The following NBEA variants were observed in gnomAD, a reference collection of about 807,000 sequenced individuals.
NBEA encodes lysosomal-trafficking regulator 2.
A neutral mutation model predicts 343.4 loss-of-function variants in NBEA; 44 were observed. That is an observed-to-expected ratio of 0.13 (90% CI 0.10 to 0.16). The LOEUF is 0.16. Among genes scored for constraint, NBEA ranks in the 10% least tolerant of loss-of-function variants. NBEA has a pLI of 1.00. For synonymous variants in NBEA, 1,175 were observed against 1,238.7 expected, an observed-to-expected ratio of 0.95 and a Z score of 1.08; for missense variants, 2,555 against 3,631.3, an observed-to-expected ratio of 0.70 and a Z score of 7.62.
chr13:35,070,616 C>A, intron 9 of NBEA, 103 bp from the exon 10 acceptor site: 1 of 1,055,506 alleles, frequency 9.5e-7, no homozygotes. Context: ...TTAAAAATGT[C>A]CAAGTATGTT....
At position 35,232,517 on chromosome 13, in the gene NBEA, T is replaced by C. The variant is rs2075031638; in HGVS notation, c.5674T>C (p.Leu1892=). The change falls in exon 34 of 59, where the codon TTA becomes CTA. Residue 1892 remains leucine (L), a synonymous_variant. Coordinates refer to ENST00000379939, the MANE Select transcript of NBEA (RefSeq NM_001385012.1). ...CATCACTGCAAAACTTGAAAGAGCG[T>C]TAGAAAAAGTTGCTCCTCTTCTTCG... ...MSITAKLERA[L]EKVAPLLREI... 7.1e-6 allele frequency: 11 copies of C among 1,547,998 alleles called. No individual in the cohort carries two copies. In the East Asian group the frequency reaches 2.7e-4, roughly 38 times the overall value.
chr13:35,009,909 C>T (rs2061428487), intron 1 of NBEA, among the ~76,000 whole-genome samples: 1 of 152,062 alleles, frequency 6.6e-6, no homozygotes, highest in African/African-American at 2.4e-5. Context: ...AATGTGGGGG[C>T]ATGAGAAAGT....
chr13:35,243,521 C>T (rs1472345322), intron 34 of NBEA, among the ~76,000 whole-genome samples: 5 of 151,798 alleles, frequency 3.3e-5, no homozygotes, highest in Admixed American at 6.6e-5. Context: ...TTAAGAGACA[C>T]TCACTGTAAA....
At chr13:35,448,667 A>G (rs1360126974) in intron 39 of NBEA, among the ~76,000 whole-genome samples, 2 of 152,230 alleles carry the variant, frequency 1.3e-5, no homozygotes, top group Non-Finnish European at 2.9e-5. Context: ...AGCAGTTACA[A>G]TATCTATAAA....
intron 40 of NBEA, among the ~76,000 whole-genome samples, chr13:35,463,041 TGA>T (rs2046990937): frequency 6.6e-6 from 1 of 152,114 alleles, no homozygotes; most frequent in Admixed American, 6.5e-5. Flanking sequence ...TGGAAACCAG[TGA>T]GATCACCTAA....
At chr13:35,507,078 CT>C (rs1308447983) in intron 41 of NBEA, among the ~76,000 whole-genome samples, 1 of 152,164 alleles carries the variant, frequency 6.6e-6, no homozygotes, top group Non-Finnish European at 1.5e-5. Flanking sequence ...TCTGAAAATG[CT>C]TTTGTTAAGG....
At position 35,054,558 on chromosome 13, in the gene NBEA, C is replaced by T. The variant is rs1465332656; in HGVS notation, c.973-1452C>T. ...AGTTAAATGTCTTGACCTGACCTTG[C>T]TTTTATAGAAGCACACTGTTGTTTT... On this transcript the variant is annotated intron_variant, in intron 6 of 58. Coordinates refer to ENST00000379939, the MANE Select transcript of NBEA (RefSeq NM_001385012.1). Among the ~76,000 whole-genome samples the T allele has an allele frequency of 2.0e-5, 3 of 149,090 alleles. No individual in the cohort carries two copies. In the South Asian group the frequency reaches 6.4e-4, roughly 32 times the overall value.
At chr13:35,187,795 A>G (rs1016229787) in intron 30 of NBEA, among the ~76,000 whole-genome samples, 1 of 152,176 alleles carries the variant, frequency 6.6e-6, no homozygotes, top group African/African-American at 2.4e-5. Flanking sequence ...TAAGATGACT[A>G]TTGACTACGT....
At chr13:35,263,062 A>G (rs2033346151) in intron 34 of NBEA, among the ~76,000 whole-genome samples, 1 of 152,196 alleles carries the variant, frequency 6.6e-6, no homozygotes, top group Non-Finnish European at 1.5e-5. Context: ...ACACATCCTA[A>G]TTTCAAAACT....
At chr13:35,241,578 A>G (rs1165458317) in intron 34 of NBEA, among the ~76,000 whole-genome samples, 1 of 151,882 alleles carries the variant, frequency 6.6e-6, no homozygotes, top group Non-Finnish European at 1.5e-5. Context: ...TTGTTTTATC[A>G]AAACAACATT....
At chr13:35,230,802 G>A (rs941441707) in intron 33 of NBEA, among the ~76,000 whole-genome samples, 3 of 151,932 alleles carry the variant, frequency 2.0e-5, no homozygotes, top group African/African-American at 7.3e-5. Flanking sequence ...CATTCTCAAA[G>A]TGTGTTTCCT....
At position 35,063,259 on chromosome 13, in the gene NBEA, A is replaced by G. The variant is rs78552108; in HGVS notation, c.1239+4396A>G. ...AGGGATATAACAATTAAAACCAACA[A>G]AACCCCTGCCTGTATTTTGGAGAAG... On this transcript the variant is annotated intron_variant, in intron 8 of 58. Transcript: ENST00000379939. Among the ~76,000 whole-genome samples the G allele has an allele frequency of 5.0e-3, 762 of 152,168 alleles. 8 individuals are homozygous for G. Among genetic ancestry groups the G allele is most frequent in the African/African-American group, 0.017 (711 of 41,566 alleles).
At chr13:35,660,896 T>C (rs1425504347) in intron 55 of NBEA, among the ~76,000 whole-genome samples, 1 of 152,210 alleles carries the variant, frequency 6.6e-6, no homozygotes, top group East Asian at 1.9e-4. Flanking sequence ...TCAGAGGAAG[T>C]GTAGCTCCAT....
intron 34 of NBEA, among the ~76,000 whole-genome samples, chr13:35,238,637 T>C (rs1396034985): frequency 6.6e-6 from 1 of 152,190 alleles, no homozygotes; most frequent in Non-Finnish European, 1.5e-5. Context: ...CCTGTCATAA[T>C]CAGCTAAGCC....
intron 41 of NBEA, among the ~76,000 whole-genome samples, chr13:35,484,806 G>A (rs915366376): frequency 1.3e-5 from 2 of 151,858 alleles, no homozygotes; most frequent in Non-Finnish European, 2.9e-5. Context: ...AGTTTTATTT[G>A]TGGAAAACTA....
intron 1 of NBEA, among the ~76,000 whole-genome samples, chr13:35,007,597 TCCTCCTGCAGCGG>T (rs1281417694): frequency 6.6e-6 from 1 of 152,270 alleles, no homozygotes; most frequent in East Asian, 1.9e-4. Context: ...GCTCAAGTGA[TCCTCCTGCAGCGG>T]CCTCCTGAAT....
chr13:35,083,228 G>A (rs982342936), intron 10 of NBEA, among the ~76,000 whole-genome samples: 18 of 152,046 alleles, frequency 1.2e-4, no homozygotes, highest in African/African-American at 4.1e-4. Context: ...AGATAGTTGT[G>A]GATATGTGGC....
chr13:35,386,088 T>C (rs969224802), intron 38 of NBEA, among the ~76,000 whole-genome samples: 1 of 152,090 alleles, frequency 6.6e-6, no homozygotes, highest in Admixed American at 6.6e-5. Flanking sequence ...AAAATAAATA[T>C]GTTAAAAATA....
chr13:35,420,043 C>T (rs1317157471), intron 38 of NBEA, among the ~76,000 whole-genome samples: 1 of 152,000 alleles, frequency 6.6e-6, no homozygotes, highest in Non-Finnish European at 1.5e-5. Context: ...TGATTTTTTA[C>T]ATAGACAGTC....
Sources: allele counts gnomAD v4.1 joint callset (sites outside exome capture counted in the v4.1 genomes callset), GRCh38; gene constraint gnomAD v4.1.1; transcripts MANE v1.5; gene names NCBI Gene and HGNC (gene_info 2026-07-23, HGNC 2026-07-21).